Variants in CHL1 observed in about 807,000 individuals in gnomAD.
CHL1 encodes cell adhesion molecule L1 like.
Under a neutral mutation model 141.9 loss-of-function variants are expected in CHL1, and 96 were observed. The ratio of observed to expected loss-of-function variants is 0.68; its 90% CI spans 0.57 to 0.80. The LOEUF (loss-of-function observed/expected upper bound fraction) is 0.80, where lower values mean the gene tolerates loss of function less well. Among genes scored for constraint, CHL1 ranks in the 30% least tolerant of loss-of-function variants. The pLI is 0.00. For missense variants in CHL1, 1,820 were observed against 1,457.2 expected, an observed-to-expected ratio of 1.25 and a Z score of -4.05; for synonymous variants, 613 against 502.2, an observed-to-expected ratio of 1.22 and a Z score of -2.95.
intron 2 of CHL1, among the ~76,000 whole-genome samples, chr3:293,332 T>C (rs192552188): frequency 1.3e-5 from 2 of 152,144 alleles, no homozygotes; most frequent in Admixed American, 6.5e-5. Flanking sequence ...GGAAAACTTG[T>C]CTCTACTAAA....
chr3:387,408 T>C (rs968273335), intron 19 of CHL1, among the ~76,000 whole-genome samples: 1 of 152,202 alleles, frequency 6.6e-6, no homozygotes, highest in Non-Finnish European at 1.5e-5. Context: ...ATTTGGGAAA[T>C]GTCTGAGGCT....
chr3:279,157 T>A (rs570467523), intron 2 of CHL1, among the ~76,000 whole-genome samples: 22 of 152,336 alleles, frequency 1.4e-4, no homozygotes, highest in African/African-American at 5.1e-4. Context: ...TTTTTATGGA[T>A]AAAGACAAAG....
chr3:352,407 A>G (rs1226201216), intron 10 of CHL1, among the ~76,000 whole-genome samples: 1 of 152,128 alleles, frequency 6.6e-6, no homozygotes, highest in Non-Finnish European at 1.5e-5. Context: ...AGCTTGCTTA[A>G]TATATAGTCC....
chr3:334,920 G>T (rs3773410), intron 5 of CHL1, among the ~76,000 whole-genome samples: 18,450 of 152,088 alleles, frequency 0.12, 1,324 homozygotes, highest in East Asian at 0.32. Flanking sequence ...TTGATTTATT[G>T]GTTGATAGGC....
chr3:289,094 A>C (rs1697430826), intron 2 of CHL1, among the ~76,000 whole-genome samples: 1 of 152,116 alleles, frequency 6.6e-6, no homozygotes, highest in Non-Finnish European at 1.5e-5. Context: ...CTCAAGAGAA[A>C]TGAATAATAT....
At chr3:377,981 C>A in intron 16 of CHL1, 39 bp downstream of exon 16, 1 of 1,551,992 alleles carries the variant, frequency 6.4e-7, no homozygotes, top group South Asian at 1.2e-5. Flanking sequence ...TTCATTTCTT[C>A]ATTTCTGATT....
chr3:391,080 T>G lies in CHL1; in HGVS notation c.2712T>G (p.Phe904Leu), dbSNP rs748487963. Residue 904 changes from phenylalanine to leucine, a missense_variant, in exon 22 of 28, where the codon TTT becomes TTG. Physicochemically the swap from Phe to Leu is conservative, Grantham distance 22. Transcript: ENST00000256509. The stretch of plus-strand genomic sequence containing the variant: ...CTTCCTTAGATGCCTTTAGTGAATT[T>G]CATTTAACAGTCTTAGCCTATAACT... The part of the protein sequence containing the change: ...MVPSLDAFSE[F>L]HLTVLAYNSK... 1.9e-6 allele frequency: 3 copies of G among 1,614,010 alleles called. No individual in the cohort carries two copies. The highest frequency in any genetic ancestry group is 2.5e-6 in the Non-Finnish European group (3 of 1,179,856).
intron 19 of CHL1, among the ~76,000 whole-genome samples, chr3:388,064 A>G (rs980112563): frequency 2.6e-5 from 4 of 152,256 alleles, no homozygotes; most frequent in African/African-American, 7.2e-5. Context: ...ATTACTGTTT[A>G]TATAAGTGAA....
At chr3:302,153 G>A (rs973864247) in intron 2 of CHL1, among the ~76,000 whole-genome samples, 4 of 152,196 alleles carry the variant, frequency 2.6e-5, no homozygotes, top group African/African-American at 7.2e-5. Flanking sequence ...ATCACTGATG[G>A]ACATTTGGGT....
At chr3:256,900 C>G (rs953549071) in intron 2 of CHL1, among the ~76,000 whole-genome samples, 4 of 152,280 alleles carry the variant, frequency 2.6e-5, no homozygotes, top group African/African-American at 9.6e-5. Flanking sequence ...AAGTGGGCTG[C>G]TTAGGAGCAA....
chr3:310,986 T>C (rs925252050), intron 2 of CHL1, among the ~76,000 whole-genome samples: 7 of 152,164 alleles, frequency 4.6e-5, no homozygotes, highest in Non-Finnish European at 1.0e-4. Context: ...AAACAGTATC[T>C]GGTGTTTTCA....
At chr3:197,660 G>A in intron 1 of CHL1, 1 of 363,926 alleles carries the variant, frequency 2.7e-6, no homozygotes, top group South Asian at 2.0e-5. Flanking sequence ...CCGCCAGCCT[G>A]GAGCGGGGAA....
At chr3:346,452 G>C (rs73817640) in intron 9 of CHL1, among the ~76,000 whole-genome samples, 2,692 of 152,310 alleles carry the variant, frequency 0.018, 78 homozygotes, top group African/African-American at 0.061. Context: ...GAGTTGGGCA[G>C]GGTGATCCTT....
intron 27 of CHL1, among the ~76,000 whole-genome samples, chr3:403,158 C>T (rs1034094869): frequency 1.3e-5 from 2 of 152,140 alleles, no homozygotes; most frequent in Non-Finnish European, 2.9e-5. Context: ...CTTCACAGGC[C>T]AGAGGTCATT....
At chr3:252,834 T>C (rs1185808380) in intron 2 of CHL1, among the ~76,000 whole-genome samples, 1 of 152,170 alleles carries the variant, frequency 6.6e-6, no homozygotes, top group African/African-American at 2.4e-5. Flanking sequence ...TGTTAGCCTA[T>C]GTATAGATAC....
intron 20 of CHL1, 141 bp downstream of exon 20, chr3:389,615 C>T (rs1419095242): frequency 6.2e-6 from 4 of 647,462 alleles, no homozygotes; most frequent in East Asian, 5.4e-5. Context: ...ACAAATATAA[C>T]ACATGACTTC....
chr3:243,742 C>A (rs1692892357), intron 1 of CHL1, among the ~76,000 whole-genome samples: 1 of 151,990 alleles, frequency 6.6e-6, no homozygotes, highest in Non-Finnish European at 1.5e-5. Flanking sequence ...TTTCTTAGGG[C>A]CAAAGATGTA....
chr3:381,099 G>T (rs893046509), intron 16 of CHL1, among the ~76,000 whole-genome samples: 1 of 152,126 alleles, frequency 6.6e-6, no homozygotes, highest in Non-Finnish European at 1.5e-5. Context: ...CAGAAATAGG[G>T]CCTAGGAATT....
intron 2 of CHL1, among the ~76,000 whole-genome samples, chr3:301,162 T>G (rs1698694092): frequency 6.6e-6 from 1 of 152,054 alleles, no homozygotes; most frequent in South Asian, 2.1e-4. Context: ...AAAGTAGAGG[T>G]AGAAGGGATT....
Sources: allele counts gnomAD v4.1 joint callset (sites outside exome capture counted in the v4.1 genomes callset), GRCh38; gene constraint gnomAD v4.1.1; transcripts MANE v1.5; gene names NCBI Gene and HGNC (gene_info 2026-07-23, HGNC 2026-07-21).